Variants in ZNF365 observed in about 807,000 individuals in gnomAD.
The protein encoded by ZNF365 is zinc finger protein 365.
A neutral mutation model predicts 35.0 loss-of-function variants in ZNF365; 22 were observed. The ratio of observed to expected loss-of-function variants is 0.63; its 90% CI spans 0.45 to 0.90. The LOEUF (loss-of-function observed/expected upper bound fraction) is 0.90. ZNF365 is among the 40% of genes least tolerant of loss of function. ZNF365 has a pLI of 0.00. For missense variants in ZNF365, 448 were observed against 500.3 expected (o/e 0.90, Z 1.00); for synonymous variants, 188 against 196.2 (o/e 0.96, Z 0.35).
At chr10:62,411,892 A>G (rs1015465968) in intron 3 of ZNF365, among the ~76,000 whole-genome samples, 4 of 152,132 alleles carry the variant, frequency 2.6e-5, no homozygotes, top group African/African-American at 7.2e-5. Flanking sequence ...TCAAAAAGCT[A>G]GAAAGATCTC....
At position 62,388,431 on chromosome 10, in the gene ZNF365, C is replaced by T. The variant is rs367827531; in HGVS notation, c.779C>T (p.Ala260Val). 8.1e-6 allele frequency: 13 copies of T among 1,614,110 alleles called. No homozygotes were observed. Among genetic ancestry groups the T allele is most frequent in the Non-Finnish European group, 9.3e-6 (11 of 1,180,046 alleles). ...ACATTCAACCATTTCCTGGAAGCGG[C>T]AGCTGAGAAGGAGGTTCAAGGGAAA... ...VVTFNHFLEAAAEKEVQGKAR... is the reference protein window; with the variant it reads ...VVTFNHFLEAVAEKEVQGKAR... The change falls in exon 3 of 5, where the codon GCA (alanine) becomes GTA (valine). Residue 260 changes from alanine to valine, a missense_variant. Ala to Val is a moderately conservative substitution (Grantham distance 64, BLOSUM62 0). Around this residue, in one of 3 missense-constraint regions of ZNF365, gnomAD observed 362 missense variants for 375.7 expected, o/e 0.96. Coordinates refer to ENST00000395254, the MANE Select transcript of ZNF365 (RefSeq NM_014951.3).
At chr10:62,414,148 T>C (rs10821995) in intron 3 of ZNF365, among the ~76,000 whole-genome samples, 95,781 of 152,032 alleles carry the variant, frequency 0.63, 30,873 homozygotes, top group East Asian at 0.84. Flanking sequence ...ATCATTGTTT[T>C]TAGGCTTCTT....
intron 3 of ZNF365, among the ~76,000 whole-genome samples, chr10:62,421,303 C>G (rs1840164272): frequency 6.6e-6 from 1 of 152,154 alleles, no homozygotes; most frequent in South Asian, 2.1e-4. Context: ...TACTGCAAAT[C>G]TGTTACCTGG....
chr10:62,479,872 C>G, intron 4 of ZNF365: 1 of 1,607,162 alleles, frequency 6.2e-7, no homozygotes, highest in South Asian at 1.1e-5. Flanking sequence ...GCTTTTATGA[C>G]TAGGAGTCTG....
chr10:62,441,180 A>G (rs1343950179), intron 3 of ZNF365, among the ~76,000 whole-genome samples: 3 of 152,186 alleles, frequency 2.0e-5, no homozygotes, highest in African/African-American at 7.2e-5. Flanking sequence ...GTGAGGTTAA[A>G]TTGCTTGGCT....
chr10:62,403,629 GC>G (rs1445963927), downstream of ZNF365, among the ~76,000 whole-genome samples: 3 of 152,196 alleles, frequency 2.0e-5, no homozygotes, highest in Non-Finnish European at 2.9e-5. Context: ...CTGCACTCCA[GC>G]CTGGGTGACA....
At chr10:62,444,247 C>A (rs1480265046) in intron 3 of ZNF365, among the ~76,000 whole-genome samples, 1 of 152,074 alleles carries the variant, frequency 6.6e-6, no homozygotes, top group Non-Finnish European at 1.5e-5. Context: ...GAGGCTGATC[C>A]CTGCAGATAC....
intron 3 of ZNF365, 149 bp downstream of exon 3, chr10:62,388,725 A>G: frequency 9.8e-7 from 1 of 1,018,930 alleles, no homozygotes; most frequent in Admixed American, 2.9e-5. Flanking sequence ...TATTGTGGAA[A>G]TGTTACTGGG....
intron 4 of ZNF365, among the ~76,000 whole-genome samples, chr10:62,465,504 T>C (rs1477529943): frequency 6.6e-6 from 1 of 152,194 alleles, no homozygotes; most frequent in African/African-American, 2.4e-5. Flanking sequence ...GTGGAGTCCA[T>C]GACCCAGAGT....
chr10:62,467,366 A>G (rs999759057), intron 4 of ZNF365, among the ~76,000 whole-genome samples: 1 of 152,188 alleles, frequency 6.6e-6, no homozygotes, highest in Admixed American at 6.5e-5. Context: ...GGCTGTGAAG[A>G]TTAGATTATT....
chr10:62,473,624 A>G (rs201777486), intron 4 of ZNF365, among the ~76,000 whole-genome samples: 2 of 143,196 alleles, frequency 1.4e-5, no homozygotes, highest in African/African-American at 2.5e-5. Context: ...TCTTCTTCTT[A>G]TAGTTGTTAT....
chr10:62,426,477 T>C (rs970790571), intron 3 of ZNF365, among the ~76,000 whole-genome samples: 5 of 152,148 alleles, frequency 3.3e-5, no homozygotes, highest in Admixed American at 2.6e-4. Flanking sequence ...GTAGTTGTTC[T>C]GTGTTCTTTA....
chr10:62,399,254 G>A (rs1050014557), intron 4 of ZNF365, among the ~76,000 whole-genome samples: 1 of 151,984 alleles, frequency 6.6e-6, no homozygotes, highest in African/African-American at 2.4e-5. Context: ...GTATTATTCG[G>A]GGTAGTCATT....
At chr10:62,453,776 G>A (rs147736041) in intron 3 of ZNF365, among the ~76,000 whole-genome samples, 1 of 152,220 alleles carries the variant, frequency 6.6e-6, no homozygotes, top group Non-Finnish European at 1.5e-5. Flanking sequence ...AAAGTATGTA[G>A]CCATAAAGAT....
At chr10:62,453,351 T>C (rs1840713470) in intron 3 of ZNF365, among the ~76,000 whole-genome samples, 1 of 152,230 alleles carries the variant, frequency 6.6e-6, no homozygotes, top group South Asian at 2.1e-4. Flanking sequence ...GGACACATTA[T>C]TTAGTTCCCA....
At chr10:62,392,024 T>A (rs1481667944) in intron 3 of ZNF365, among the ~76,000 whole-genome samples, 1 of 152,242 alleles carries the variant, frequency 6.6e-6, no homozygotes, top group Admixed American at 6.5e-5. Flanking sequence ...TTTTTTCATA[T>A]GTTTGTTGGC....
At chr10:62,449,996 G>C (rs1840653186) in intron 3 of ZNF365, among the ~76,000 whole-genome samples, 1 of 151,376 alleles carries the variant, frequency 6.6e-6, no homozygotes, top group South Asian at 2.1e-4. Flanking sequence ...GTGTAGGCTG[G>C]GTGCAGTGAC....
At chr10:62,419,124 G>A (rs933103465) in intron 3 of ZNF365, among the ~76,000 whole-genome samples, 1 of 152,076 alleles carries the variant, frequency 6.6e-6, no homozygotes, top group Non-Finnish European at 1.5e-5. Context: ...GTAAATGTGT[G>A]CATTCCGCTT....
intron 3 of ZNF365, among the ~76,000 whole-genome samples, chr10:62,426,837 C>G (rs368585543): frequency 4.6e-5 from 7 of 152,148 alleles, no homozygotes; most frequent in Middle Eastern, 3.4e-3. Context: ...AAGTGTGGCT[C>G]TAGATGATTA....
Sources: allele counts gnomAD v4.1 joint callset (sites outside exome capture counted in the v4.1 genomes callset), GRCh38; gene constraint gnomAD v4.1.1; regional missense constraint gnomAD v4.1.1; transcripts MANE v1.5; gene names NCBI Gene and HGNC (gene_info 2026-07-23, HGNC 2026-07-21).